DESI1: variants seen among roughly 807,000 people sequenced by gnomAD.
The protein encoded by DESI1 is desumoylating isopeptidase 1, also known as PPPDE peptidase domain containing 2.
In DESI1, 17 loss-of-function variants were observed where a neutral mutation model predicts 22.4. The observed-to-expected ratio is 0.76, with a 90% CI of 0.52 to 1.14. The LOEUF (loss-of-function observed/expected upper bound fraction) is 1.14. DESI1 is among the 50% of genes most tolerant of loss of function. DESI1 has a pLI of 0.00. For missense variants in DESI1, 177 were observed against 208.9 expected, an observed-to-expected ratio of 0.85 and a Z score of 0.94; for synonymous variants, 92 against 84.2, an observed-to-expected ratio of 1.09 and a Z score of -0.51.
intron 1 of DESI1, among the ~76,000 whole-genome samples, chr22:41,610,466 A>G (rs934465972): frequency 1.3e-5 from 2 of 152,224 alleles, no homozygotes; most frequent in South Asian, 2.1e-4. Flanking sequence ...ATGAAATGCT[A>G]TATCTATTTT....
chr22:41,614,062 A>C (rs1183996610), intron 1 of DESI1, among the ~76,000 whole-genome samples: 1 of 151,682 alleles, frequency 6.6e-6, no homozygotes, highest in Non-Finnish European at 1.5e-5. Context: ...TTTAAGACGG[A>C]GTCTCGCTCT....
intron 5 of DESI1, chr22:41,602,359 T>A (rs2147037112): frequency 2.0e-6 from 2 of 985,450 alleles, no homozygotes; most frequent in Non-Finnish European, 2.4e-6. Context: ...AGCAGAGCTG[T>A]GGGACTGCAA....
intron 1 of DESI1, among the ~76,000 whole-genome samples, chr22:41,613,258 C>A (rs1487439999): frequency 6.6e-6 from 1 of 152,148 alleles, no homozygotes; most frequent in Non-Finnish European, 1.5e-5. Flanking sequence ...ACTATAGTTT[C>A]CTATTCTGTA....
chr22:41,605,324 T>C lies in DESI1; in HGVS notation c.181-1171A>G, dbSNP rs531886734. 3.3e-5 allele frequency among the ~76,000 whole-genome samples: 5 copies of C among 152,154 alleles called. No homozygotes were observed. In the East Asian group the frequency reaches 5.8e-4, roughly 18 times the overall value. On this transcript the variant is annotated intron_variant, in intron 3 of 5. Coordinates refer to ENST00000263256, the MANE Select transcript of DESI1 (RefSeq NM_015704.3). The stretch of plus-strand genomic sequence containing the variant: ...AAGGCCTACAGAAAACCCTCAGCCA[T>C]GTGGTTAACAGACTGCCAGAGAAAA...
chr22:41,602,893 TGACCCCC>T, intron 5 of DESI1: 1 of 815,034 alleles, frequency 1.2e-6, no homozygotes, highest in Non-Finnish European at 1.6e-6. Flanking sequence ...ACTATTTTTC[TGACCCCC>T]TCTCTGCTTG....
At chr22:41,603,486 A>T in intron 4 of DESI1, 105 bp from the exon 5 acceptor site, 2 of 1,537,534 alleles carry the variant, frequency 1.3e-6, no homozygotes, top group Non-Finnish European at 1.8e-6. Flanking sequence ...CAATGTGAGG[A>T]TTGCGATTTC....
chr22:41,620,753 C>T lies in DESI1; in HGVS notation c.87G>A (p.Leu29=), dbSNP rs1329726390. 7 of 1,608,982 alleles carry T rather than the reference C, an allele frequency of 4.4e-6. No individual in the cohort carries two copies. The highest frequency in any genetic ancestry group is 5.9e-6 in the Non-Finnish European group (7 of 1,177,888). Residue 29 remains leucine (L), a splice_region_variant and synonymous_variant, in exon 1 of 6, where the codon CTG becomes CTA. Transcript: ENST00000263256. ...GLARRLSPIM[L]GKQLEGIWHT... Reference sequence around the variant, plus strand: ...CCCACCTGGCCCCTTCCCCCTCACCCAGCATGATGGGGCTGAGCCGCCGGG... The same window carrying T: ...CCCACCTGGCCCCTTCCCCCTCACCTAGCATGATGGGGCTGAGCCGCCGGG...
chr22:41,602,958 G>C (rs2067457827), intron 5 of DESI1: 1 of 542,096 alleles, frequency 1.8e-6, no homozygotes, highest in Admixed American at 4.1e-5. Context: ...GGCATGCTTC[G>C]AGCACAATGG....
chr22:41,620,978 G>C lies in DESI1; in HGVS notation c.-139C>G. 1.2e-6 allele frequency: 1 copy of C among 855,616 alleles called. No individual in the cohort carries two copies. Among genetic ancestry groups the C allele is most frequent in the Non-Finnish European group, 1.8e-6 (1 of 561,142 alleles). 53.0% of individuals were successfully genotyped at this position (855,616 alleles called of 1,614,324 possible). A position where few individuals can be genotyped will look rare whatever the true frequency, so the allele number is the denominator to read the frequency against. ...GCCCGGGCTGAGGGGTGGGGGAGAGGCCGCCCTGCGCTGCTCGCGCCCCCA... is the reference window on the plus strand; with the variant it reads ...GCCCGGGCTGAGGGGTGGGGGAGAGCCCGCCCTGCGCTGCTCGCGCCCCCA... On this transcript the variant is annotated 5_prime_UTR_variant, in exon 1 of 6. Transcript: ENST00000263256.
chr22:41,619,460 G>A (rs1379082272), intron 1 of DESI1, among the ~76,000 whole-genome samples: 4 of 152,162 alleles, frequency 2.6e-5, no homozygotes, highest in African/African-American at 9.7e-5. Flanking sequence ...AGCTACTGCT[G>A]TTATCAATTT....
intron 1 of DESI1, among the ~76,000 whole-genome samples, chr22:41,618,423 A>C (rs2067562840): frequency 6.6e-6 from 1 of 151,936 alleles, no homozygotes; most frequent in South Asian, 2.1e-4. Flanking sequence ...CTTCCTGTGC[A>C]GAAGGCACTT....
chr22:41,603,021 T>A (rs969377628), intron 5 of DESI1: 2 of 646,358 alleles, frequency 3.1e-6, no homozygotes, highest in Admixed American at 6.6e-5. Context: ...GTCAAGTGGG[T>A]GTCTAAGTTC....
chr22:41,603,066 A>G, intron 5 of DESI1, 193 bp downstream of exon 5: 1 of 837,248 alleles, frequency 1.2e-6, no homozygotes, highest in Middle Eastern at 3.7e-4. Context: ...GAGCTGGTCT[A>G]GCTCTGAAGG....
Position 41,600,988 on chromosome 22 carries a change from C to A in DESI1, c.*109G>T. 8.7e-6 allele frequency: 9 copies of A among 1,033,400 alleles called. No homozygotes were observed. Among genetic ancestry groups the A allele is most frequent in the Non-Finnish European group, 1.3e-5 (9 of 688,612 alleles). 64.0% of individuals were successfully genotyped at this position (1,033,400 alleles called of 1,614,324 possible). On this transcript the variant is annotated 3_prime_UTR_variant, in exon 6 of 6. Coordinates refer to ENST00000263256, the MANE Select transcript of DESI1 (RefSeq NM_015704.3). ...TTCCCTGGGAAATTTAAAAAGCCGT[C>A]CCCTGGTTGTTAGCTCTGATGTAAA... is the stretch of plus-strand genomic sequence containing the variant.
At chr22:41,602,250 C>G (rs1254554173) in intron 5 of DESI1, 8 of 985,302 alleles carry the variant, frequency 8.1e-6, no homozygotes, top group South Asian at 4.7e-5. Flanking sequence ...AATATCAAAC[C>G]TAATTCAGAC....
chr22:41,620,880 C>A lies in DESI1; in HGVS notation c.-41G>T, dbSNP rs771670914. The A allele has an allele frequency of 6.6e-5, 104 of 1,581,464 alleles. No homozygotes were observed. The highest frequency in any genetic ancestry group is 3.3e-4 in the Middle Eastern group (2 of 6,056). On this transcript the variant is annotated 5_prime_UTR_variant, in exon 1 of 6. Transcript: ENST00000263256. Reference sequence around the variant, plus strand: ...CGGCGGCCACGACGGCCCTCGGGCACCCGGCAGCGGCTTGGACCTTCCCGT... The same window carrying A: ...CGGCGGCCACGACGGCCCTCGGGCAACCGGCAGCGGCTTGGACCTTCCCGT...
chr22:41,605,193 A>G (rs1482196308), intron 3 of DESI1, among the ~76,000 whole-genome samples: 2 of 152,200 alleles, frequency 1.3e-5, no homozygotes, highest in Admixed American at 6.5e-5. Flanking sequence ...GACGGTGAGA[A>G]ATCTGGCAGG....
In DESI1 at chr22:41,621,006, C is replaced by T; in HGVS notation, c.-167G>A. The T allele has an allele frequency of 1.5e-6, 1 of 682,342 alleles. No individual in the cohort carries two copies. Among genetic ancestry groups the T allele is most frequent in the Admixed American group, 3.0e-5 (1 of 32,858 alleles). The allele number at this position is 682,342 out of a possible 1,614,324, so 42.3% of individuals were successfully genotyped here. On this transcript the variant is annotated 5_prime_UTR_variant, in exon 1 of 6. In the 5' UTR this introduces an upstream ATG that the reference lacks. Transcript: ENST00000263256. ...GCCCTGCGCTGCTCGCGCCCCCACA[C>T]CCGCTACCGGCAACGACTACTGTGA...
At chr22:41,605,825 C>T (rs778554311) in intron 3 of DESI1, among the ~76,000 whole-genome samples, 8 of 152,108 alleles carry the variant, frequency 5.3e-5, no homozygotes, top group Non-Finnish European at 7.3e-5. Flanking sequence ...GCCAACAGTA[C>T]GTATGACAGG....
Sources: gnomAD v4.1 joint callset for allele counts (sites outside exome capture counted in the v4.1 genomes callset) on GRCh38, gnomAD v4.1.1 for gene constraint, MANE v1.5 for transcripts, NCBI Gene and HGNC (gene_info 2026-07-23, HGNC 2026-07-21) for gene names.